Variants in CDH9 observed in about 807,000 individuals in gnomAD.
CDH9 encodes the protein cadherin-9.
In CDH9, 28 loss-of-function variants were observed where a neutral mutation model predicts 70.9. That is an observed-to-expected ratio of 0.40 (90% CI 0.29 to 0.54). CDH9 has a LOEUF of 0.54. Among genes scored for constraint, CDH9 ranks in the 20% least tolerant of loss-of-function variants. The pLI, the probability that CDH9 is intolerant of heterozygous loss-of-function variation, is 0.59. For missense variants in CDH9, 874 were observed against 984.4 expected (o/e 0.89, Z 1.50); for synonymous variants, 409 against 343.1 (o/e 1.19, Z -2.12).
intron 3 of CDH9, among the ~76,000 whole-genome samples, chr5:26,911,264 G>A (rs780914715): frequency 2.0e-4 from 31 of 152,068 alleles, no homozygotes; most frequent in Admixed American, 2.6e-4. Context: ...CCACAAACCC[G>A]GTATGTGATA....
chr5:26,963,611 G>T (rs950615087), intron 2 of CDH9, among the ~76,000 whole-genome samples: 3 of 152,106 alleles, frequency 2.0e-5, no homozygotes, highest in African/African-American at 2.4e-5. Flanking sequence ...AGAGAAACTT[G>T]GGAGATTTTA....
intron 7 of CDH9, among the ~76,000 whole-genome samples, chr5:26,901,512 T>TATA (rs1740853382): frequency 1.3e-5 from 2 of 151,950 alleles, no homozygotes; most frequent in Admixed American, 1.3e-4. Flanking sequence ...TGGTTATATA[T>TATA]TTAGTATTGT....
rs145815030 is a variant in CDH9 at position 26,881,304 on chromosome 5, C to A, written c.2202G>T (p.Ser734=). 17 of 1,612,690 alleles carry A rather than the reference C, an allele frequency of 1.1e-5. No individual in the cohort carries two copies. In the African/African-American group the frequency reaches 1.5e-4, roughly 14 times the overall value. The change falls in exon 12 of 12, where the codon TCG becomes TCT. Residue 734 remains serine (S), a synonymous_variant. Transcript: ENST00000231021. The part of the protein sequence containing the change: ...DADPSAPPYD[S]LATYAYEGND... ...TCCCTTCATAGGCATACGTTGCCAG[C>A]GAATCATATGGAGGTGCACTTGGGT... is the stretch of plus-strand genomic sequence containing the variant.
intron 2 of CDH9, among the ~76,000 whole-genome samples, chr5:26,964,426 A>G (rs577224996): frequency 2.6e-5 from 4 of 152,168 alleles, no homozygotes; most frequent in Non-Finnish European, 5.9e-5. Context: ...ATGTGTTGTT[A>G]TATCTCTTTT....
chr5:27,013,694 T>C lies in CDH9; in HGVS notation c.-50+24769A>G, dbSNP rs573364932. On this transcript the variant is annotated intron_variant, in intron 1 of 11. Coordinates refer to ENST00000231021, the MANE Select transcript of CDH9 (RefSeq NM_016279.4). ...CCAACCGACCTGTGATGAATATATA[T>C]TGCAAGAAAAAAATACTGTTTACAT... is the stretch of plus-strand genomic sequence containing the variant. Among the ~76,000 whole-genome samples the C allele has an allele frequency of 6.6e-5, 10 of 152,034 alleles. No homozygotes were observed. The South Asian group carries it at 1.9e-3, about 28-fold the overall frequency.
Position 27,033,186 on chromosome 5 carries a change from A to G in CDH9, c.-50+5277T>C, listed in dbSNP as rs922483865. Among the ~76,000 whole-genome samples the G allele has an allele frequency of 4.0e-5, 6 of 151,394 alleles. No homozygotes were observed. In the East Asian group the frequency reaches 1.2e-3, roughly 29 times the overall value. The stretch of plus-strand genomic sequence containing the variant: ...ATTTTCCAAAAATAAAAAATTTTCA[A>G]ATGGTATTTTATCATTTGTTTATAA... On this transcript the variant is annotated intron_variant, in intron 1 of 11. Transcript: ENST00000231021.
intron 1 of CDH9, among the ~76,000 whole-genome samples, chr5:27,012,811 A>G (rs1194534713): frequency 3.9e-5 from 6 of 152,044 alleles, no homozygotes; most frequent in African/African-American, 1.4e-4. Flanking sequence ...TAAAATTACA[A>G]GGAATATTTC....
chr5:26,970,056 T>C (rs1014263163), intron 2 of CDH9, among the ~76,000 whole-genome samples: 2 of 151,126 alleles, frequency 1.3e-5, no homozygotes, highest in Admixed American at 6.6e-5. Flanking sequence ...TCTTAAGTTA[T>C]AGCAAAGTTA....
chr5:26,963,770 A>G (rs192308657), intron 2 of CDH9, among the ~76,000 whole-genome samples: 2 of 152,246 alleles, frequency 1.3e-5, no homozygotes, highest in Admixed American at 1.3e-4. Context: ...GGATATTATG[A>G]TGTAATTCCC....
At chr5:26,969,962 C>A (rs1321251295) in intron 2 of CDH9, among the ~76,000 whole-genome samples, 1 of 149,756 alleles carries the variant, frequency 6.7e-6, no homozygotes, top group Admixed American at 6.7e-5. Context: ...TATATACACC[C>A]ATGCAACTGA....
At chr5:27,032,374 G>T (rs1424141557) in intron 1 of CDH9, among the ~76,000 whole-genome samples, 1 of 151,490 alleles carries the variant, frequency 6.6e-6, no homozygotes, top group African/African-American at 2.4e-5. Context: ...ATAAATAAGT[G>T]TACATATTAT....
intron 1 of CDH9, among the ~76,000 whole-genome samples, chr5:27,024,828 C>T (rs1443103061): frequency 1.3e-5 from 2 of 151,984 alleles, no homozygotes; most frequent in Non-Finnish European, 2.9e-5. Context: ...TTGATTTCTA[C>T]TCTGTAGCTG....
chr5:26,971,229 G>T (rs946050071), intron 2 of CDH9, among the ~76,000 whole-genome samples: 3 of 152,126 alleles, frequency 2.0e-5, no homozygotes, highest in African/African-American at 7.2e-5. Flanking sequence ...GATGAAGCAC[G>T]CATTACCAGG....
Position 26,970,870 on chromosome 5 carries a change from G to A in CDH9, c.228+17236C>T, listed in dbSNP as rs537386386. Among the ~76,000 whole-genome samples, 3 of 152,152 alleles carry A rather than the reference G, an allele frequency of 2.0e-5. No homozygotes were observed. In the South Asian group the frequency reaches 6.2e-4, roughly 32 times the overall value. ...GGTCCTACAGTGATTCAAATGTCTA[G>A]TGTAAATATAGTAAGAATGGTCCTG... On this transcript the variant is annotated intron_variant, in intron 2 of 11. Coordinates refer to ENST00000231021, the MANE Select transcript of CDH9 (RefSeq NM_016279.4).
intron 2 of CDH9, among the ~76,000 whole-genome samples, chr5:26,927,467 A>C (rs975088772): frequency 1.3e-5 from 2 of 152,018 alleles, no homozygotes; most frequent in Admixed American, 6.6e-5. Flanking sequence ...TGGCTACTCT[A>C]GGTCTTCTAT....
At chr5:26,999,042 C>G (rs959566758) in intron 1 of CDH9, among the ~76,000 whole-genome samples, 1 of 151,906 alleles carries the variant, frequency 6.6e-6, no homozygotes, top group Non-Finnish European at 1.5e-5. Flanking sequence ...GCCAGGAGAT[C>G]GAGACCATCC....
At chr5:27,011,458 A>G (rs531644067) in intron 1 of CDH9, among the ~76,000 whole-genome samples, 3 of 151,998 alleles carry the variant, frequency 2.0e-5, no homozygotes, top group Non-Finnish European at 4.4e-5. Context: ...ACAAGAAACC[A>G]CAACACCGGA....
rs1345943568 is a variant in CDH9, at chr5:26,915,840, C to T, written c.313G>A (p.Glu105Lys). The T allele has an allele frequency of 6.2e-7, 1 of 1,612,534 alleles. No individual in the cohort carries two copies. The stretch of plus-strand genomic sequence containing the variant: ...GCAGCATGAATGTCTCCTGTATTTT[C>T]ATCTATAACAAATAGACTGCCAGCC... Reference protein sequence around the residue: ...DGAGSLFVIDENTGDIHAAKK... With the variant: ...DGAGSLFVIDKNTGDIHAAKK... Residue 105 changes from glutamate to lysine, a missense_variant, in exon 3 of 12, where the codon GAA (glutamate) becomes AAA (lysine). Glu to Lys is a moderately conservative substitution (Grantham distance 56). Transcript: ENST00000231021.
At chr5:26,952,586 G>C (rs963799904) in intron 2 of CDH9, among the ~76,000 whole-genome samples, 3 of 114,974 alleles carry the variant, frequency 2.6e-5, no homozygotes, top group Admixed American at 1.3e-4. Context: ...AGTGAACTTA[G>C]ATCGCGCCAC....
Sources: gnomAD v4.1 joint callset for allele counts (sites outside exome capture counted in the v4.1 genomes callset) on GRCh38, gnomAD v4.1.1 for gene constraint, MANE v1.5 for transcripts, NCBI Gene and HGNC (gene_info 2026-07-23, HGNC 2026-07-21) for gene names.